The following PTGES3 variants were observed in gnomAD, a reference collection of about 807,000 sequenced individuals.
The protein encoded by PTGES3 is Hsp90 co-chaperone.
A neutral mutation model predicts 29.9 loss-of-function variants in PTGES3; 5 were observed. The ratio of observed to expected loss-of-function variants is 0.17; its 90% CI spans 0.09 to 0.35. PTGES3 has a LOEUF of 0.35. Among genes scored for constraint, PTGES3 ranks in the 10% least tolerant of loss-of-function variants. The probability of loss-of-function intolerance (pLI) is 1.00; values close to 1 mark genes in which losing one functional copy is unlikely to be tolerated. For missense variants in PTGES3, 128 were observed against 190.0 expected (o/e 0.67, Z 1.92); for synonymous variants, 49 against 57.8 (o/e 0.85, Z 0.69).
At chr12:56,683,859 T>C (rs1952691482) in intron 1 of PTGES3, among the ~76,000 whole-genome samples, 2 of 140,122 alleles carry the variant, frequency 1.4e-5, no homozygotes, top group East Asian at 4.3e-4. Context: ...CTCGGGAGGC[T>C]GAGGCAAGAG....
chr12:56,665,348 T>G, intron 6 of PTGES3: 1 of 953,032 alleles, frequency 1.0e-6, no homozygotes, highest in African/African-American at 1.8e-5. Flanking sequence ...CAGGCTACAG[T>G]GCAGTGGCGA....
intron 4 of PTGES3, 63 bp downstream of exon 4, chr12:56,671,686 G>C: frequency 9.4e-7 from 1 of 1,065,806 alleles, no homozygotes; most frequent in Non-Finnish European, 1.3e-6. Context: ...CATCAAATAA[G>C]TACATCTTTT....
rs1054256644 is a variant in PTGES3, at chr12:56,672,658, T to C, written c.186+82A>G. 4.2e-6 allele frequency: 6 copies of C among 1,423,236 alleles called. No homozygotes were observed. In the African/African-American group the frequency reaches 7.2e-5, roughly 17 times the overall value. 88.2% of individuals were successfully genotyped at this position (1,423,236 alleles called of 1,614,324 possible). ...GCCTCACTGTTAAGAAAAACAGAAC[T>C]AATGCTCATTGCTAAAAAGAATACT... On this transcript the variant is annotated intron_variant, in intron 3 of 7. Coordinates refer to ENST00000262033, the MANE Select transcript of PTGES3 (RefSeq NM_006601.7).
chr12:56,676,140 G>T (rs1454378661), intron 1 of PTGES3, among the ~76,000 whole-genome samples: 1 of 131,100 alleles, frequency 7.6e-6, no homozygotes, highest in African/African-American at 3.9e-5. Context: ...AGGGGGAGGG[G>T]GAGGGGGAGG....
At chr12:56,675,817 G>A (rs925195932) in intron 1 of PTGES3, among the ~76,000 whole-genome samples, 2 of 152,074 alleles carry the variant, frequency 1.3e-5, no homozygotes, top group African/African-American at 4.8e-5. Flanking sequence ...CAGCTACTCA[G>A]GATGCTGCAG....
chr12:56,687,844 C>T (rs767124711), intron 1 of PTGES3, 154 bp downstream of exon 1: 8 of 1,490,568 alleles, frequency 5.4e-6, no homozygotes, highest in Non-Finnish European at 5.3e-6. Flanking sequence ...CACCCGCCAA[C>T]GGTAACCGGA....
intron 1 of PTGES3, chr12:56,687,534 G>C (rs1387549393): frequency 6.0e-6 from 6 of 1,006,344 alleles, no homozygotes; most frequent in Admixed American, 5.9e-5. Context: ...GGCTCTCCCA[G>C]GAGCTCCGCC....
chr12:56,686,065 C>T (rs1952832101), intron 1 of PTGES3, among the ~76,000 whole-genome samples: 2 of 151,762 alleles, frequency 1.3e-5, no homozygotes, highest in African/African-American at 4.8e-5. Flanking sequence ...TGAGCCACCG[C>T]GCCTGGCCTT....
rs1044072838 is a variant in PTGES3 at position 56,664,018 on chromosome 12, T to G, written c.*461A>C. On this transcript the variant is annotated 3_prime_UTR_variant, in exon 8 of 8. Coordinates refer to ENST00000262033, the MANE Select transcript of PTGES3 (RefSeq NM_006601.7). ...ATTTTAGTGGAACAATCCTGAAGGATAACACCAGAAGAATAGCAGGTTACC... is the reference window on the plus strand; with the variant it reads ...ATTTTAGTGGAACAATCCTGAAGGAGAACACCAGAAGAATAGCAGGTTACC... 2 of 153,452 alleles carry G rather than the reference T, an allele frequency of 1.3e-5. No individual in the cohort carries two copies. The highest frequency in any genetic ancestry group is 3.8e-4 in the East Asian group (2 of 5,196). 9.5% of individuals were successfully genotyped at this position (153,452 alleles called of 1,614,324 possible).
At chr12:56,667,447 T>A (rs1951831597) in intron 5 of PTGES3, among the ~76,000 whole-genome samples, 1 of 152,098 alleles carries the variant, frequency 6.6e-6, no homozygotes. Flanking sequence ...TAGTCAAACA[T>A]ACAATGGAAT....
chr12:56,666,154 TACTA>T, intron 6 of PTGES3, 46 bp downstream of exon 6: 1 of 1,526,868 alleles, frequency 6.5e-7, no homozygotes, highest in Non-Finnish European at 8.8e-7. Flanking sequence ...TGTTGTTTCT[TACTA>T]TTTAATAGTA....
At chr12:56,681,456 T>C (rs908382253) in intron 1 of PTGES3, among the ~76,000 whole-genome samples, 1 of 138,782 alleles carries the variant, frequency 7.2e-6, no homozygotes, top group African/African-American at 2.8e-5. Context: ...GAGAATGGCG[T>C]GAACCCGGGA....
At chr12:56,669,902 C>T (rs1270647490) in intron 5 of PTGES3, among the ~76,000 whole-genome samples, 1 of 151,504 alleles carries the variant, frequency 6.6e-6, no homozygotes, top group Admixed American at 6.6e-5. Context: ...GAGCACCGTG[C>T]CCGGCCAAAA....
chr12:56,665,974 T>C (rs1227455401), intron 6 of PTGES3: 2 of 1,266,658 alleles, frequency 1.6e-6, no homozygotes, highest in East Asian at 3.5e-5. Context: ...CTCTATACAA[T>C]GATTCTTTGG....
At chr12:56,670,025 T>C (rs1951942418) in intron 5 of PTGES3, among the ~76,000 whole-genome samples, 1 of 151,556 alleles carries the variant, frequency 6.6e-6, no homozygotes, top group African/African-American at 2.4e-5. Context: ...GCTGTGTTAG[T>C]TTGTCTTAAT....
intron 1 of PTGES3, among the ~76,000 whole-genome samples, chr12:56,676,474 G>A (rs920901986): frequency 6.6e-6 from 1 of 152,136 alleles, no homozygotes; most frequent in Non-Finnish European, 1.5e-5. Context: ...CAGTGAGAGA[G>A]TGATATTTGA....
rs1252884643 is a variant in PTGES3, at chr12:56,674,772, G to A, written c.3-1707C>T. On this transcript the variant is annotated intron_variant, in intron 1 of 7. Transcript: ENST00000262033. Reference sequence around the variant, plus strand: ...ACCCAGGAGGCGGAGCTTGCAGTGAGCTGAGATCAGGCCACCGCACCCCAG... The same window carrying A: ...ACCCAGGAGGCGGAGCTTGCAGTGAACTGAGATCAGGCCACCGCACCCCAG... Among the ~76,000 whole-genome samples the A allele has an allele frequency of 1.1e-3, 141 of 132,300 alleles. 1 individual carries two copies. Among genetic ancestry groups the A allele is most frequent in the African/African-American group, 3.9e-3 (138 of 34,972 alleles). The allele number at this position is 132,300 out of a possible 152,430, so 86.8% of individuals were successfully genotyped here.
intron 7 of PTGES3, 23 bp from the exon 8 acceptor site, chr12:56,664,521 T>C (rs1951719536): frequency 1.3e-6 from 2 of 1,583,046 alleles, no homozygotes; most frequent in Non-Finnish European, 1.7e-6. Context: ...TTAAAAATAT[T>C]AGTATATAGT....
intron 1 of PTGES3, chr12:56,687,694 G>C (rs910150254): frequency 1.5e-6 from 2 of 1,312,278 alleles, no homozygotes; most frequent in African/African-American, 3.1e-5. Flanking sequence ...GCTACCGGGA[G>C]CTTAAGGCCT....
Sources: gnomAD v4.1 joint callset for allele counts (sites outside exome capture counted in the v4.1 genomes callset) on GRCh38, gnomAD v4.1.1 for gene constraint, MANE v1.5 for transcripts, NCBI Gene and HGNC (gene_info 2026-07-23, HGNC 2026-07-21) for gene names.